The following TENM2 variants were observed in gnomAD, a reference collection of about 807,000 sequenced individuals.
TENM2 encodes the protein teneurin transmembrane protein 2.
Under a neutral mutation model 245.2 loss-of-function variants are expected in TENM2, and 52 were observed. The observed-to-expected ratio is 0.21, with a 90% CI of 0.17 to 0.27. TENM2 has a LOEUF of 0.27. TENM2 is among the 10% of genes least tolerant of loss of function. TENM2 has a pLI of 1.00. For missense variants in TENM2, 3,046 were observed against 3,666.8 expected, an observed-to-expected ratio of 0.83 and a Z score of 4.37; for synonymous variants, 1,363 against 1,438.9, an observed-to-expected ratio of 0.95 and a Z score of 1.19.
chr5:167,332,897 A>G (rs1757542722), intron 1 of TENM2, among the ~76,000 whole-genome samples: 1 of 152,174 alleles, frequency 6.6e-6, no homozygotes. Flanking sequence ...GATACTGGCT[A>G]TAGAGGTTAT....
At chr5:167,924,894 A>G (rs1777632920) in intron 3 of TENM2, among the ~76,000 whole-genome samples, 1 of 152,158 alleles carries the variant, frequency 6.6e-6, no homozygotes, top group Non-Finnish European at 1.5e-5. Flanking sequence ...AACACCAAAT[A>G]CTGGCAGGGA....
At chr5:167,089,487 A>G in the TENM2 span, among the ~76,000 whole-genome samples, 1 of 152,234 alleles carries the variant, frequency 6.6e-6, no homozygotes, top group Non-Finnish European at 1.5e-5. Flanking sequence ...GATTTTGTAT[A>G]GATTCCAAAA....
At chr5:167,470,468 T>TTTTTTTTTTTTTTTTTTTTTTTTTTTTG in intron 2 of TENM2, among the ~76,000 whole-genome samples, 1 of 147,154 alleles carries the variant, frequency 6.8e-6, no homozygotes, top group Non-Finnish European at 1.5e-5. Flanking sequence ...TTTTTTTTTT[T>TTTTTTTTTTTTTTTTTTTTTTTTTTTTG]TTTTTTTTGC....
At position 167,636,144 on chromosome 5, in the gene TENM2, A is replaced by G. The variant is rs529070855; in HGVS notation, c.503-239842A>G. ...AAAATGTTTAGTTCACCTTCTCACG[A>G]GAGGATTTTCACATATTTAAAAGCA... On this transcript the variant is annotated intron_variant, in intron 2 of 28. Transcript: ENST00000518659. Among the ~76,000 whole-genome samples, 4 of 152,312 alleles carry G rather than the reference A, an allele frequency of 2.6e-5. 1 individual carries two copies. In the South Asian group the frequency reaches 8.3e-4, roughly 32 times the overall value.
intron 2 of TENM2, among the ~76,000 whole-genome samples, chr5:167,562,184 C>A (rs755485422): frequency 6.6e-6 from 1 of 152,108 alleles, no homozygotes; most frequent in East Asian, 1.9e-4. Flanking sequence ...TCCATCCATC[C>A]GTCTCCTGCA....
rs1202650303 is a variant in TENM2, at chr5:167,375,313, C to A, written c.342C>A (p.Asp114Glu). 1.9e-6 allele frequency: 3 copies of A among 1,551,632 alleles called. No individual in the cohort carries two copies. In the Admixed American group the frequency reaches 5.9e-5, roughly 30 times the overall value. Reference sequence around the variant, plus strand: ...GCTACTCCCTTAGCACAGGGTCTGACGCCGACTCCGACACCGAGGGAGGGA... The same window carrying A: ...GCTACTCCCTTAGCACAGGGTCTGAAGCCGACTCCGACACCGAGGGAGGGA... Residue 114 changes from aspartate (D) to glutamate (E), a missense_variant, in exon 2 of 29, where the codon GAC (aspartate) becomes GAA (glutamate). By Grantham distance (45) the Asp-to-Glu change is conservative. Transcript: ENST00000518659.
chr5:168,257,831 G>T (rs557650958), intron 27 of TENM2, among the ~76,000 whole-genome samples: 24 of 152,018 alleles, frequency 1.6e-4, no homozygotes, highest in Non-Finnish European at 3.2e-4. Context: ...GGACAGTCTG[G>T]TCTCAACCTC....
intron 2 of TENM2, among the ~76,000 whole-genome samples, chr5:167,711,607 C>A (rs72830084): frequency 0.062 from 9,413 of 152,234 alleles, 310 homozygotes; most frequent in South Asian, 0.089. Context: ...TTTATCTGTG[C>A]CAGCTTCTGG....
At chr5:167,674,021 C>T (rs779445039) in intron 2 of TENM2, among the ~76,000 whole-genome samples, 13 of 152,170 alleles carry the variant, frequency 8.5e-5, no homozygotes, top group Middle Eastern at 3.4e-3. Context: ...ATCCACAGAG[C>T]AAAATTTGAA....
chr5:167,203,866 A>G, the TENM2 span, among the ~76,000 whole-genome samples: 1 of 152,258 alleles, frequency 6.6e-6, no homozygotes, highest in South Asian at 2.1e-4. Context: ...AAGGAAGACA[A>G]AAGAGAGATG....
chr5:167,532,217 G>T (rs999293652), intron 2 of TENM2, among the ~76,000 whole-genome samples: 3 of 152,062 alleles, frequency 2.0e-5, no homozygotes, highest in Non-Finnish European at 4.4e-5. Flanking sequence ...TTAAGGTGGT[G>T]TTAGACAAGA....
chr5:167,371,090 A>G (rs1760387081), intron 1 of TENM2, among the ~76,000 whole-genome samples: 1 of 152,244 alleles, frequency 6.6e-6, no homozygotes, highest in Admixed American at 6.5e-5. Flanking sequence ...CATGGAAAAC[A>G]ATGGTTGGAA....
At chr5:167,942,749 G>A (rs1779289022) in intron 3 of TENM2, among the ~76,000 whole-genome samples, 1 of 152,142 alleles carries the variant, frequency 6.6e-6, no homozygotes, top group Non-Finnish European at 1.5e-5. Flanking sequence ...AAGGTCTTGA[G>A]CACTGTGAGA....
intron 2 of TENM2, among the ~76,000 whole-genome samples, chr5:167,647,498 C>T (rs1354245087): frequency 6.6e-6 from 1 of 151,982 alleles, no homozygotes; most frequent in African/African-American, 2.4e-5. Context: ...TGGTGAGTGC[C>T]TGTAGTCCCA....
At chr5:167,439,392 G>C (rs1173042572) in intron 2 of TENM2, among the ~76,000 whole-genome samples, 1 of 152,138 alleles carries the variant, frequency 6.6e-6, no homozygotes, top group African/African-American at 2.4e-5. Context: ...TTGAACAACT[G>C]TTAAGGGCAC....
rs915985997 is a variant in TENM2 at position 167,284,828 on chromosome 5, A to G, written c.-10A>G. On this transcript the variant is annotated 5_prime_UTR_variant, in exon 1 of 29. The change creates a new upstream start codon in the 5' untranslated region. Coordinates refer to ENST00000518659, the Ensembl canonical transcript of TENM2. Reference sequence around the variant, plus strand: ...TCTGAAAACATCAGCATTCTGCCATATCTGGAATAATGGATGTAAAGGACC... The same window carrying G: ...TCTGAAAACATCAGCATTCTGCCATGTCTGGAATAATGGATGTAAAGGACC... The G allele has an allele frequency of 6.5e-7, 1 of 1,546,848 alleles. No individual in the cohort carries two copies. The highest frequency in any genetic ancestry group is 2.0e-5 in the Admixed American group (1 of 50,994).
intron 9 of TENM2, among the ~76,000 whole-genome samples, chr5:168,104,645 T>A (rs1415441099): frequency 6.6e-6 from 1 of 152,202 alleles, no homozygotes; most frequent in African/African-American, 2.4e-5. Context: ...TGGCAGCTCC[T>A]TGTCTTCTTA....
intron 2 of TENM2, among the ~76,000 whole-genome samples, chr5:167,732,299 T>A (rs183961264): frequency 6.6e-6 from 1 of 152,184 alleles, no homozygotes; most frequent in Non-Finnish European, 1.5e-5. Context: ...TTCTTTTAGA[T>A]TTTTTAAAGC....
At chr5:167,859,107 C>T (rs866635334) in intron 2 of TENM2, among the ~76,000 whole-genome samples, 1,446 of 120,364 alleles carry the variant, frequency 0.012, no homozygotes, top group East Asian at 0.047. Flanking sequence ...ATGTGGGGAG[C>T]GCCTCTGCCC....
Sources: gnomAD v4.1 joint callset for allele counts (sites outside exome capture counted in the v4.1 genomes callset) on GRCh38, gnomAD v4.1.1 for gene constraint, MANE v1.5 for transcripts, NCBI Gene and HGNC (gene_info 2026-07-23, HGNC 2026-07-21) for gene names.